Variants in MAP2K6 observed in about 807,000 individuals in gnomAD.
MAP2K6 encodes mitogen-activated protein kinase kinase 6.
A neutral mutation model predicts 53.7 loss-of-function variants in MAP2K6; 16 were observed. The ratio of observed to expected loss-of-function variants is 0.30; its 90% CI spans 0.20 to 0.45. The LOEUF (loss-of-function observed/expected upper bound fraction) is 0.45, where lower values mean the gene tolerates loss of function less well. Among genes scored for constraint, MAP2K6 ranks in the 20% least tolerant of loss-of-function variants. The pLI is 1.00. For synonymous variants in MAP2K6, 132 were observed against 143.1 expected (o/e 0.92, Z 0.55); for missense variants, 204 against 411.9 (o/e 0.50, Z 4.37).
chr17:69,533,735 G>GTTTTTTTTTTTTTTTTTTTTTTTTT (rs35697742), intron 10 of MAP2K6, among the ~76,000 whole-genome samples: 1 of 140,178 alleles, frequency 7.1e-6, no homozygotes. Context: ...TAGCCTGTTT[G>GTTTTTTTTTTTTTTTTTTTTTTTTT]TTTTTTTTTT....
intron 1 of MAP2K6, among the ~76,000 whole-genome samples, chr17:69,453,487 C>T (rs553872809): frequency 6.6e-6 from 1 of 152,220 alleles, no homozygotes; most frequent in East Asian, 1.9e-4. Context: ...GATGTAGGTT[C>T]GACTGTAAGA....
chr17:69,439,104 A>G (rs1324106038), intron 1 of MAP2K6, among the ~76,000 whole-genome samples: 1 of 152,218 alleles, frequency 6.6e-6, no homozygotes, highest in Non-Finnish European at 1.5e-5. Flanking sequence ...TTTAAAGAAC[A>G]TATTTGCTGG....
At chr17:69,526,794 A>G in intron 10 of MAP2K6, 85 bp downstream of exon 10, 3 of 1,468,986 alleles carry the variant, frequency 2.0e-6, no homozygotes, top group South Asian at 1.3e-5. Flanking sequence ...TGAATCCATC[A>G]TGCATACATT....
At chr17:69,455,825 G>C (rs899968285) in intron 1 of MAP2K6, among the ~76,000 whole-genome samples, 2 of 151,048 alleles carry the variant, frequency 1.3e-5, no homozygotes, top group African/African-American at 4.9e-5. Context: ...GATATGCCTG[G>C]GACTGAGTGG....
chr17:69,428,291 A>G (rs977633210), intron 1 of MAP2K6, among the ~76,000 whole-genome samples: 2 of 152,222 alleles, frequency 1.3e-5, no homozygotes, highest in Non-Finnish European at 2.9e-5. Context: ...TGAAGGCCAT[A>G]AGGAAAAATC....
rs190776167 is a variant in MAP2K6, at chr17:69,545,309, T to A, written c.*3556T>A. 2.0e-5 allele frequency: 3 copies of A among 152,306 alleles called. No homozygotes were observed. In the East Asian group the frequency reaches 5.8e-4, roughly 29 times the overall value. The allele number at this position is 152,306 out of a possible 1,614,324, so 9.4% of individuals were successfully genotyped here. A position where few individuals can be genotyped will look rare whatever the true frequency, so the allele number is the denominator to read the frequency against. ...ATAAAATATCAGGTCATCACGGATT[T>A]TGCAAGTGAAAGTCACCTATCTTCT... On this transcript the variant is annotated 3_prime_UTR_variant, in exon 12 of 12. Coordinates refer to ENST00000590474, the MANE Select transcript of MAP2K6 (RefSeq NM_002758.4).
rs1241183538 is a variant in MAP2K6 at position 69,453,051 on chromosome 17, G to A, written c.16+38051G>A. Among the ~76,000 whole-genome samples, 3 of 152,142 alleles carry A rather than the reference G, an allele frequency of 2.0e-5. No individual in the cohort carries two copies. The South Asian group carries it at 6.2e-4, about 32-fold the overall frequency. ...GCCAACACCATTTAAGCGTTGGGAC[G>A]AAGTGACTCATGGAGACACTTTGCC... On this transcript the variant is annotated intron_variant, in intron 1 of 11. Transcript: ENST00000590474.
Position 69,516,837 on chromosome 17 carries a change from C to T in MAP2K6, c.84-18C>T. On this transcript the variant is annotated intron_variant, in intron 2 of 11. Transcript: ENST00000590474. ...CTCAATAGCTTATGTTTCTTCTTTT[C>T]CCCCTTATCTTTCTTAGACCACCTC... The T allele has an allele frequency of 2.6e-6, 4 of 1,564,516 alleles. No individual in the cohort carries two copies. The highest frequency in any genetic ancestry group is 1.1e-5 in the South Asian group (1 of 88,778).
chr17:69,545,206 T>G lies in MAP2K6; in HGVS notation c.*3453T>G, dbSNP rs1184713709. On this transcript the variant is annotated 3_prime_UTR_variant, in exon 12 of 12. Coordinates refer to ENST00000590474, the MANE Select transcript of MAP2K6 (RefSeq NM_002758.4). ...TGATTATTTTTAACCAGAGTCATTC[T>G]TCCACCAGAATAAGTGTAATCTCCC... 6.6e-6 allele frequency: 1 copy of G among 151,854 alleles called. No homozygotes were observed. The highest frequency in any genetic ancestry group is 1.5e-5 in the Non-Finnish European group (1 of 67,964). 9.4% of individuals were successfully genotyped at this position (151,854 alleles called of 1,614,324 possible). A position where few individuals can be genotyped will look rare whatever the true frequency, so the allele number is the denominator to read the frequency against.
intron 10 of MAP2K6, among the ~76,000 whole-genome samples, chr17:69,526,947 T>C (rs1220813441): frequency 6.6e-6 from 1 of 151,962 alleles, no homozygotes; most frequent in Non-Finnish European, 1.5e-5. Flanking sequence ...GCAAGTCCAG[T>C]GATAGAGATA....
intron 2 of MAP2K6, among the ~76,000 whole-genome samples, chr17:69,512,630 C>T (rs1909916284): frequency 6.6e-6 from 1 of 152,052 alleles, no homozygotes; most frequent in Admixed American, 6.6e-5. Context: ...AGCCACTGCG[C>T]CCGGCCTGAG....
At position 69,414,864 on chromosome 17, in the gene MAP2K6, A is replaced by T. The variant is rs1365357492; in HGVS notation, c.-121A>T. 15 of 855,404 alleles carry T rather than the reference A, an allele frequency of 1.8e-5. No homozygotes were observed. Among genetic ancestry groups the T allele is most frequent in the Admixed American group, 1.3e-4 (6 of 47,346 alleles). 53.0% of individuals were successfully genotyped at this position (855,404 alleles called of 1,614,324 possible). A position where few individuals can be genotyped will look rare whatever the true frequency, so the allele number is the denominator to read the frequency against. On this transcript the variant is annotated 5_prime_UTR_variant, in exon 1 of 12. Coordinates refer to ENST00000590474, the MANE Select transcript of MAP2K6 (RefSeq NM_002758.4). ...GTCCATCTGCTGCATCGGTCAAGAGAAACTCCACTTGCATGAAGATTGCAC... is the reference window on the plus strand; with the variant it reads ...GTCCATCTGCTGCATCGGTCAAGAGTAACTCCACTTGCATGAAGATTGCAC...
At chr17:69,498,650 C>CTACACA (rs1235459376) in intron 1 of MAP2K6, among the ~76,000 whole-genome samples, 1 of 145,420 alleles carries the variant, frequency 6.9e-6, no homozygotes, top group East Asian at 2.0e-4. Context: ...CACCTGGAAG[C>CTACACA]CACACACACA....
intron 4 of MAP2K6, 84 bp downstream of exon 4, chr17:69,517,697 A>C: frequency 2.5e-6 from 2 of 796,204 alleles, no homozygotes; most frequent in Non-Finnish European, 3.7e-6. Flanking sequence ...CTTTTAATAG[A>C]AGCAAAACCA....
chr17:69,499,703 T>C (rs1165982758), intron 1 of MAP2K6, among the ~76,000 whole-genome samples: 2 of 152,158 alleles, frequency 1.3e-5, no homozygotes. Context: ...ACTTATATTC[T>C]AGTGGAGAAA....
At chr17:69,540,639 C>T (rs1307267799) in intron 11 of MAP2K6, among the ~76,000 whole-genome samples, 5 of 152,136 alleles carry the variant, frequency 3.3e-5, no homozygotes, top group Non-Finnish European at 7.4e-5. Context: ...CATGCTTGTT[C>T]CCCTAGCAAA....
At chr17:69,508,247 C>T (rs1307133273) in intron 2 of MAP2K6, among the ~76,000 whole-genome samples, 5 of 150,154 alleles carry the variant, frequency 3.3e-5, no homozygotes, top group Admixed American at 6.6e-5. Flanking sequence ...TTGGTAGAGA[C>T]GGGGTTTCAC....
At chr17:69,479,917 C>G (rs901534766) in intron 1 of MAP2K6, among the ~76,000 whole-genome samples, 2 of 151,792 alleles carry the variant, frequency 1.3e-5, no homozygotes, top group Non-Finnish European at 2.9e-5. Context: ...ATCTTTAGTA[C>G]TAGAGATGGG....
chr17:69,467,366 C>T (rs1907847544), intron 1 of MAP2K6, among the ~76,000 whole-genome samples: 1 of 152,194 alleles, frequency 6.6e-6, no homozygotes. Context: ...GCAGGGAGCA[C>T]AGCCATGTGG....
Sources: gnomAD v4.1 joint callset for allele counts (sites outside exome capture counted in the v4.1 genomes callset) on GRCh38, gnomAD v4.1.1 for gene constraint, MANE v1.5 for transcripts, NCBI Gene and HGNC (gene_info 2026-07-23, HGNC 2026-07-21) for gene names.